LCN8: variants seen among roughly 807,000 people sequenced by gnomAD.
The protein encoded by LCN8 is lipocalin 8, also known as epididymal-specific lipocalin-8.
LCN8 carries 16 observed loss-of-function variants against 22.8 expected under a neutral mutation model. The ratio of observed to expected loss-of-function variants is 0.70; its 90% confidence interval spans 0.47 to 1.06. LCN8 has a LOEUF of 1.06. Among genes scored for constraint, LCN8 ranks in the 50% least tolerant of loss-of-function variants. The pLI is 0.00. For missense variants in LCN8, 189 were observed against 203.3 expected, an observed-to-expected ratio of 0.93 and a Z score of 0.43; for synonymous variants, 92 against 83.4, an observed-to-expected ratio of 1.10 and a Z score of -0.56.
intron 6 of LCN8, 79 bp from the exon 7 acceptor site, chr9:136,754,588 G>A (rs956313940): frequency 2.8e-5 from 43 of 1,515,966 alleles, no homozygotes; most frequent in African/African-American, 5.6e-5. Context: ...GCCACACGGC[G>A]GGACTTCTGT....
Position 136,754,469 on chromosome 9 carries a change from G to T in LCN8, c.*29C>A, listed in dbSNP as rs535892853. 55 of 1,556,372 alleles carry T rather than the reference G, an allele frequency of 3.5e-5. No individual in the cohort carries two copies. The highest frequency in any genetic ancestry group is 4.6e-5 in the Non-Finnish European group (53 of 1,149,852). The stretch of plus-strand genomic sequence containing the variant: ...AGGGGCAGGGGTGGGCGGGCGCTCC[G>T]AACCTTGTGGTCTGAGGCAGGAACT... On this transcript the variant is annotated 3_prime_UTR_variant, in exon 7 of 7. Transcript: ENST00000371688.
intron 1 of LCN8, chr9:136,757,492 C>G: frequency 7.4e-7 from 1 of 1,352,394 alleles, no homozygotes; most frequent in Non-Finnish European, 9.5e-7. Flanking sequence ...GAGGCAGGAC[C>G]CAGGAGCAGA....
chr9:136,757,552 G>A (rs542212660), intron 1 of LCN8: 2 of 1,376,324 alleles, frequency 1.5e-6, no homozygotes, highest in East Asian at 2.8e-5. Flanking sequence ...AAACGCCAGA[G>A]AACAGGTGGC....
chr9:136,755,541 G>C (rs1464232028), intron 3 of LCN8, 25 bp from the exon 4 acceptor site: 2 of 1,602,828 alleles, frequency 1.2e-6, no homozygotes, highest in Admixed American at 1.7e-5. Context: ...CATGGCGTTG[G>C]GGGAGACGTC....
chr9:136,757,766 G>A (rs1847244916), intron 1 of LCN8, 141 bp downstream of exon 1: 1 of 1,573,254 alleles, frequency 6.4e-7, no homozygotes, highest in East Asian at 2.3e-5. Flanking sequence ...ACTCAGCGGA[G>A]AAGAAAATGC....
intron 1 of LCN8, 200 bp from the exon 2 acceptor site, chr9:136,757,368 C>G: frequency 7.0e-7 from 1 of 1,432,872 alleles, no homozygotes; most frequent in Non-Finnish European, 9.1e-7. Flanking sequence ...TTCAGGCCAT[C>G]AGACAGCAAT....
intron 6 of LCN8, chr9:136,754,857 G>T: frequency 7.4e-7 from 1 of 1,357,732 alleles, no homozygotes; most frequent in Non-Finnish European, 9.4e-7. Flanking sequence ...CTGCTCCCCT[G>T]CCCCACCCAG....
Position 136,757,237 on chromosome 9 carries a change from C to A in LCN8, c.25-69G>T, listed in dbSNP as rs1049160115. ...GAGACCCCCAGGGGCATTCCACGAA[C>A]CCCCGGGCAGGGGCCTGCTGGGCTC... is the stretch of plus-strand genomic sequence containing the variant. On this transcript the variant is annotated intron_variant, in intron 1 of 6. Coordinates refer to ENST00000371688, the MANE Select transcript of LCN8 (RefSeq NM_178469.4). 4 of 1,562,302 alleles carry A rather than the reference C, an allele frequency of 2.6e-6. No homozygotes were observed. In the African/African-American group the frequency reaches 5.4e-5, roughly 21 times the overall value.
upstream of LCN8, chr9:136,758,516 T>G: frequency 1.0e-6 from 1 of 990,436 alleles, no homozygotes; most frequent in Non-Finnish European, 1.2e-6. Flanking sequence ...ACAGTGACAG[T>G]GGGGAGGGCC....
At chr9:136,757,011 C>T in intron 2 of LCN8, 27 bp downstream of exon 2, 1 of 1,609,804 alleles carries the variant, frequency 6.2e-7, no homozygotes, top group Non-Finnish European at 8.5e-7. Flanking sequence ...ATGCCTCTTC[C>T]TCTCCAGCAG....
intron 6 of LCN8, 193 bp from the exon 7 acceptor site, chr9:136,754,702 T>C: frequency 7.1e-7 from 1 of 1,410,088 alleles, no homozygotes; most frequent in South Asian, 1.6e-5. Context: ...CAAAGCGAGG[T>C]GAGGGAGACA....
At position 136,755,231 on chromosome 9, in the gene LCN8, C is replaced by T; in HGVS notation, c.421+13G>A. On this transcript the variant is annotated intron_variant, in intron 5 of 6. Transcript: ENST00000371688. Reference sequence around the variant, plus strand: ...GCCCAGCCCAGCCTCCACCCCAAGGCCCCTGGGCTCACCAGGCCGGGCCGC... The same window carrying T: ...GCCCAGCCCAGCCTCCACCCCAAGGTCCCTGGGCTCACCAGGCCGGGCCGC... The T allele has an allele frequency of 6.2e-7, 1 of 1,612,452 alleles. No individual in the cohort carries two copies. Among genetic ancestry groups the T allele is most frequent in the Non-Finnish European group, 8.5e-7 (1 of 1,179,646 alleles).
Position 136,757,060 on chromosome 9 carries a change from T to G in LCN8, c.133A>C (p.Thr45Pro), listed in dbSNP as rs1271345580. 1.2e-6 allele frequency: 2 copies of G among 1,613,414 alleles called. No individual in the cohort carries two copies. Among genetic ancestry groups the G allele is most frequent in the Non-Finnish European group, 1.7e-6 (2 of 1,179,772 alleles). The change falls in exon 2 of 7, where the codon ACC (threonine) becomes CCC (proline). Residue 45 changes from threonine (T) to proline (P), a missense_variant. Coordinates refer to ENST00000371688, the MANE Select transcript of LCN8 (RefSeq NM_178469.4). ...LFLTLSGSNL[T>P]VKVAYNSSGS... ...TACCTGTTATATGCAACCTTCACGG[T>G]CAGGTTACTCCCGCTCAAGGTGAGG...
At chr9:136,754,982 C>T in intron 6 of LCN8, 153 bp downstream of exon 6, 2 of 1,418,200 alleles carry the variant, frequency 1.4e-6, no homozygotes, top group Non-Finnish European at 9.2e-7. Flanking sequence ...TGGAGCTGCC[C>T]ACCAGTGGTG....
chr9:136,758,128 G>T lies in LCN8; in HGVS notation c.-198C>A, dbSNP rs1192697269. On this transcript the variant is annotated 5_prime_UTR_variant, in exon 1 of 7. Coordinates refer to ENST00000371688, the MANE Select transcript of LCN8 (RefSeq NM_178469.4). ...GGCTGCTGGCAGCTCAGAGACGTGG[G>T]TTTCTGCACAAGCGCCATCGGCCCT... 1.7e-5 allele frequency: 24 copies of T among 1,450,624 alleles called. No homozygotes were observed. The highest frequency in any genetic ancestry group is 7.2e-5 in the Admixed American group (3 of 41,644). The allele number at this position is 1,450,624 out of a possible 1,614,324, so 89.9% of individuals were successfully genotyped here.
At chr9:136,754,826 A>C in intron 6 of LCN8, 1 of 1,346,498 alleles carries the variant, frequency 7.4e-7, no homozygotes. Context: ...TGCACAGAAC[A>C]CCGAAGAAAA....
rs554463538 is a variant in LCN8 at position 136,758,233 on chromosome 9, C to T, written c.-303G>A. On this transcript the variant is annotated 5_prime_UTR_variant, in exon 1 of 7. Transcript: ENST00000371688. ...AGCCACCCTCCTGGCATATGGACAG[C>T]GGTGGACGCTGCTGGGGCCGTCTCG... 51 of 1,320,172 alleles carry T rather than the reference C, an allele frequency of 3.9e-5. 1 individual carries two copies. The South Asian group carries it at 5.1e-4, about 13-fold the overall frequency. The allele number at this position is 1,320,172 out of a possible 1,614,324, so 81.8% of individuals were successfully genotyped here.
At chr9:136,755,056 G>A (rs1847150317) in intron 6 of LCN8, 79 bp downstream of exon 6, 31 of 1,447,440 alleles carry the variant, frequency 2.1e-5, no homozygotes, top group South Asian at 3.0e-5. Flanking sequence ...GCGGAGCCAC[G>A]GGGGCTCCTG....
chr9:136,758,279 C>A (rs1847256759), upstream of LCN8: 1 of 1,218,012 alleles, frequency 8.2e-7, no homozygotes, highest in Admixed American at 3.7e-5. Flanking sequence ...GGAAGAGGAG[C>A]TCCACCCACA....
Sources: allele counts gnomAD v4.1 joint callset, GRCh38; gene constraint gnomAD v4.1.1; transcripts MANE v1.5; gene names NCBI Gene and HGNC (gene_info 2026-07-23, HGNC 2026-07-21).